Variants in DYNC2H1 observed in about 807,000 individuals in gnomAD.
DYNC2H1 encodes cytoplasmic dynein 2 heavy chain 1.
DYNC2H1 carries 410 observed loss-of-function variants against 570.0 expected under a neutral mutation model. The observed-to-expected ratio is 0.72, with a 90% CI of 0.66 to 0.78. The LOEUF (loss-of-function observed/expected upper bound fraction) is 0.78. DYNC2H1 is among the 30% of genes least tolerant of loss of function. The pLI, the probability that DYNC2H1 is intolerant of heterozygous loss-of-function variation, is 0.00. For missense variants in DYNC2H1, 4,865 were observed against 5,046.4 expected (o/e 0.96, Z 1.09); for synonymous variants, 1,688 against 1,677.6 (o/e 1.01, Z -0.15).
chr11:103,203,574 AGATT>A lies in DYNC2H1; in HGVS notation c.8198-86_8198-83del. On this transcript the variant is annotated intron_variant, in intron 50 of 88. Transcript: ENST00000375735. The surrounding 1 kb of genome is among the most constrained non-coding windows in gnomAD (Gnocchi z 4.7). ...AAAGTTTGTATATTTTTGGAAATAA[AGATT>A]GAATAAGAGCAGATTTTTAAATACA... is the stretch of plus-strand genomic sequence containing the variant. 1 of 777,706 alleles carries A rather than the reference AGATT, an allele frequency of 1.3e-6. No individual in the cohort carries two copies. Among genetic ancestry groups the A allele is most frequent in the Non-Finnish European group, 2.0e-6 (1 of 505,170 alleles). 48.2% of individuals were successfully genotyped at this position (777,706 alleles called of 1,614,324 possible). A position where few individuals can be genotyped will look rare whatever the true frequency, so the allele number is the denominator to read the frequency against.
At chr11:103,223,228 G>C in intron 59 of DYNC2H1, 142 bp downstream of exon 59, 1 of 794,854 alleles carries the variant, frequency 1.3e-6, no homozygotes, top group Non-Finnish European at 1.7e-6. Flanking sequence ...GTCAATTAAA[G>C]ACAAATTTAA....
chr11:103,184,138 GC>G (rs1184565876), intron 40 of DYNC2H1, among the ~76,000 whole-genome samples: 2 of 151,864 alleles, frequency 1.3e-5, no homozygotes, highest in Non-Finnish European at 2.9e-5. Flanking sequence ...GAAGCCGTGA[GC>G]CCTCAATCTG....
chr11:103,231,169 T>C (rs1031596212), intron 59 of DYNC2H1, 91 bp from the exon 60 acceptor site: 2 of 674,284 alleles, frequency 3.0e-6, no homozygotes, highest in East Asian at 2.9e-5. Flanking sequence ...ACAGTTTTAA[T>C]TGTCATATGA....
At chr11:103,339,676 T>C (rs313424) in intron 82 of DYNC2H1, among the ~76,000 whole-genome samples, 152,259 of 152,338 alleles carry the variant, frequency 1, 76,090 homozygotes, top group Middle Eastern at 1. Flanking sequence ...CTGAAGCCAG[T>C]GTCGTGCTGG....
intron 83 of DYNC2H1, among the ~76,000 whole-genome samples, chr11:103,375,348 A>G (rs897573265): frequency 6.6e-6 from 1 of 152,206 alleles, no homozygotes; most frequent in African/African-American, 2.4e-5. Flanking sequence ...ATGGGGTCAT[A>G]GCCCCCACAC....
At chr11:103,443,232 A>G (rs1050769992) in intron 85 of DYNC2H1, among the ~76,000 whole-genome samples, 3 of 151,930 alleles carry the variant, frequency 2.0e-5, no homozygotes, top group African/African-American at 7.2e-5. Context: ...CCTTCACCAC[A>G]TTTGTTCCAC....
chr11:103,138,553 G>A, intron 17 of DYNC2H1, among the ~76,000 whole-genome samples: 1 of 152,202 alleles, frequency 6.6e-6, no homozygotes, highest in East Asian at 1.9e-4. Flanking sequence ...TTGCATCCCA[G>A]GGATGAAGCC....
intron 59 of DYNC2H1, among the ~76,000 whole-genome samples, chr11:103,230,596 C>T (rs1177521360): frequency 6.6e-6 from 1 of 152,120 alleles, no homozygotes; most frequent in Non-Finnish European, 1.5e-5. Flanking sequence ...AAATAATCTT[C>T]TGTATTTAGC....
Position 103,185,192 on chromosome 11 carries a change from T to C in DYNC2H1, c.6633+141T>C, listed in dbSNP as rs955665737. The C allele has an allele frequency of 1.3e-5, 8 of 598,600 alleles. No individual in the cohort carries two copies. Among genetic ancestry groups the C allele is most frequent in the Admixed American group, 3.5e-5 (1 of 28,336 alleles). 37.1% of individuals were successfully genotyped at this position (598,600 alleles called of 1,614,324 possible). A position where few individuals can be genotyped will look rare whatever the true frequency, so the allele number is the denominator to read the frequency against. ...ATGTATTCAATTGAGTAATAATGTA[T>C]TTATGTATGTGTATTTATATTTTCT... is the stretch of plus-strand genomic sequence containing the variant. On this transcript the variant is annotated intron_variant, in intron 41 of 88. Transcript: ENST00000375735. The surrounding 1 kb of genome is among the most constrained non-coding windows in gnomAD (Gnocchi z 4.5).
chr11:103,460,416 G>T (rs950461181), intron 87 of DYNC2H1, among the ~76,000 whole-genome samples: 2 of 142,864 alleles, frequency 1.4e-5, no homozygotes, highest in African/African-American at 5.2e-5. Context: ...TTCAAAATGG[G>T]AATAAAGTCG....
At chr11:103,224,471 A>G (rs917451447) in intron 59 of DYNC2H1, among the ~76,000 whole-genome samples, 4 of 152,172 alleles carry the variant, frequency 2.6e-5, no homozygotes, top group Non-Finnish European at 4.4e-5. Flanking sequence ...CTTATAGCTT[A>G]GCTCCTACGT....
intron 82 of DYNC2H1, among the ~76,000 whole-genome samples, chr11:103,355,879 T>C (rs1333613594): frequency 1.3e-5 from 2 of 152,074 alleles, no homozygotes; most frequent in Non-Finnish European, 2.9e-5. Context: ...CTAATGTATT[T>C]TTAAAATTTT....
At chr11:103,279,303 T>C (rs1436247890) in intron 70 of DYNC2H1, among the ~76,000 whole-genome samples, 1 of 152,168 alleles carries the variant, frequency 6.6e-6, no homozygotes, top group African/African-American at 2.4e-5. Context: ...TTCTTAAAAA[T>C]TGAACCAGTT....
chr11:103,164,691 T>C (rs772635636), intron 30 of DYNC2H1, among the ~76,000 whole-genome samples: 2 of 152,216 alleles, frequency 1.3e-5, no homozygotes, highest in African/African-American at 2.4e-5. Context: ...TATTTCATAA[T>C]GTTTGCAGAG....
chr11:103,139,230 T>C (rs1591301791), intron 17 of DYNC2H1, among the ~76,000 whole-genome samples: 2 of 152,026 alleles, frequency 1.3e-5, no homozygotes, highest in Admixed American at 6.6e-5. Flanking sequence ...CTGCTCAGAT[T>C]TTAGTTATTT....
At chr11:103,125,337 C>A (rs1279356097) in intron 12 of DYNC2H1, 42 bp downstream of exon 12, 610 of 831,892 alleles carry the variant, frequency 7.3e-4, no homozygotes, top group Non-Finnish European at 1.0e-3. Flanking sequence ...ATTTGGAGTT[C>A]ATTACGTTAA....
intron 70 of DYNC2H1, among the ~76,000 whole-genome samples, chr11:103,279,114 A>G (rs1373690066): frequency 6.6e-6 from 1 of 152,200 alleles, no homozygotes; most frequent in Non-Finnish European, 1.5e-5. Context: ...CCTGTATTTA[A>G]GAGTGGTGTT....
rs2135099802 is a variant in DYNC2H1, at chr11:103,204,988, A to G, written c.8454+24A>G. ...AAGTAAGTTTAACAAATATTAAAAA[A>G]TTTAAAAGCACATTTTATTTTTGAA... On this transcript the variant is annotated intron_variant, in intron 52 of 88. Transcript: ENST00000375735. The surrounding 1 kb of genome is among the most constrained non-coding windows in gnomAD (Gnocchi z 4.1). 6.5e-7 allele frequency: 1 copy of G among 1,536,350 alleles called. No homozygotes were observed.
At position 103,312,316 on chromosome 11, in the gene DYNC2H1, T is replaced by G. The variant is rs11225690; in HGVS notation, c.11649+283T>G. Among the ~76,000 whole-genome samples, 25,742 of 143,768 alleles carry G rather than the reference T, an allele frequency of 0.18. 2,404 individuals carry two copies. The highest frequency in any genetic ancestry group is 0.27 in the Admixed American group (3,906 of 14,638). The allele number at this position is 143,768 out of a possible 152,430, so 94.3% of individuals were successfully genotyped here. A position where few individuals can be genotyped will look rare whatever the true frequency, so the allele number is the denominator to read the frequency against. The stretch of plus-strand genomic sequence containing the variant: ...AATCGCTTGAACCCGGGAGGCGGAG[T>G]TTGTGGTGAGCCGAGATTGTGCCAT... On this transcript the variant is annotated intron_variant, in intron 79 of 88. Transcript: ENST00000375735.
Sources: allele counts gnomAD v4.1 joint callset (sites outside exome capture counted in the v4.1 genomes callset), GRCh38; gene constraint gnomAD v4.1.1; non-coding constraint Gnocchi (gnomAD v3.1); transcripts MANE v1.5; gene names NCBI Gene and HGNC (gene_info 2026-07-23, HGNC 2026-07-21).